Variants in EYS observed in about 807,000 individuals in gnomAD.
EYS encodes the protein EGF-like photoreceptor maintenance factor.
EYS carries 250 observed loss-of-function variants against 282.1 expected under a neutral mutation model. That is an observed-to-expected ratio of 0.89 (90% confidence interval 0.80 to 0.98). The LOEUF (loss-of-function observed/expected upper bound fraction) is 0.98. EYS is among the 50% of genes least tolerant of loss of function. The probability of loss-of-function intolerance (pLI) is 0.00; values close to 1 mark genes in which losing one functional copy is unlikely to be tolerated. For synonymous variants in EYS, 1,355 were observed against 1,282.9 expected (o/e 1.06, Z -1.20); for missense variants, 4,016 against 3,709.0 (o/e 1.08, Z -2.15).
intron 2 of EYS, among the ~76,000 whole-genome samples, chr6:65,526,559 G>A (rs1233262037): frequency 4.6e-5 from 7 of 151,980 alleles, no homozygotes; most frequent in African/African-American, 1.7e-4. Flanking sequence ...TAATCCCTGC[G>A]CTTTGGGAGG....
Position 64,099,441 on chromosome 6 carries a change from C to A in EYS, c.6425-17439G>T, listed in dbSNP as rs113378865. ...GAACTTTAGAATTAGTTTGCCTTTG[C>A]CTAGCAAGGATGAAATTATACCTTC... On this transcript the variant is annotated intron_variant, in intron 31 of 42. Coordinates refer to ENST00000503581, the MANE Select transcript of EYS (RefSeq NM_001142800.2). Among the ~76,000 whole-genome samples the A allele has an allele frequency of 8.4e-3, 1,284 of 152,200 alleles. 7 individuals are homozygous for A. Among genetic ancestry groups the A allele is most frequent in the Non-Finnish European group, 0.013 (884 of 68,002 alleles).
chr6:64,124,856 GAGA>G (rs143344956), intron 31 of EYS, among the ~76,000 whole-genome samples: 5,232 of 152,216 alleles, frequency 0.034, 257 homozygotes, highest in African/African-American at 0.11. Flanking sequence ...GAGGAAATGA[GAGA>G]AGAAGATGTG....
At chr6:65,265,483 A>G (rs1450916720) in intron 12 of EYS, among the ~76,000 whole-genome samples, 11 of 151,936 alleles carry the variant, frequency 7.2e-5, no homozygotes, top group Non-Finnish European at 5.9e-5. Flanking sequence ...TGCTGACTGG[A>G]CCTGGAACAT....
Position 64,734,517 on chromosome 6 carries a change from C to A in EYS, c.3443+78861G>T, listed in dbSNP as rs548456165. Among the ~76,000 whole-genome samples the A allele has an allele frequency of 3.9e-5, 6 of 152,220 alleles. No homozygotes were observed. In the South Asian group the frequency reaches 6.2e-4, roughly 16 times the overall value. ...AAATCAGAATAAGTTAAATCAATCT[C>A]CTTATAAAAAATTTTGGGGTTTGTG... On this transcript the variant is annotated intron_variant, in intron 22 of 42. Transcript: ENST00000503581.
intron 29 of EYS, among the ~76,000 whole-genome samples, chr6:64,346,532 TCA>T (rs765637181): frequency 5.3e-5 from 8 of 150,600 alleles, no homozygotes; most frequent in Non-Finnish European, 1.2e-4. Context: ...AAGGGGAACA[TCA>T]CACACCAGGG....
chr6:64,430,246 C>T (rs944764264), intron 28 of EYS, among the ~76,000 whole-genome samples: 18 of 152,086 alleles, frequency 1.2e-4, no homozygotes, highest in African/African-American at 4.3e-4. Flanking sequence ...TTTGAATGCA[C>T]AATTTGCTGC....
intron 24 of EYS, among the ~76,000 whole-genome samples, chr6:64,607,079 T>A (rs1766959693): frequency 6.6e-6 from 1 of 151,878 alleles, no homozygotes; most frequent in Admixed American, 6.6e-5. Context: ...AAAAGAGAAG[T>A]ATAAAACCCT....
intron 12 of EYS, among the ~76,000 whole-genome samples, chr6:65,288,470 T>C (rs12201381): frequency 0.046 from 6,924 of 150,654 alleles, 217 homozygotes; most frequent in South Asian, 0.089. Flanking sequence ...TATGTGTTCA[T>C]AGATACAAGC....
At chr6:64,139,706 C>A (rs150094407) in intron 31 of EYS, among the ~76,000 whole-genome samples, 3,053 of 152,028 alleles carry the variant, frequency 0.02, 80 homozygotes, top group African/African-American at 0.061. Flanking sequence ...CACGGTGGCT[C>A]ACGTCTGTAA....
intron 12 of EYS, among the ~76,000 whole-genome samples, chr6:65,070,578 AT>A (rs1427488008): frequency 1.8e-4 from 27 of 151,728 alleles, no homozygotes; most frequent in Non-Finnish European, 2.5e-4. Flanking sequence ...AGGGATTTTA[AT>A]GCTGTTTTCT....
chr6:65,700,449 G>T (rs1026711292), intron 1 of EYS, among the ~76,000 whole-genome samples: 73 of 152,298 alleles, frequency 4.8e-4, no homozygotes, highest in Middle Eastern at 3.4e-3. Flanking sequence ...TGGGGATACT[G>T]TGGCTACATA....
At chr6:64,399,474 C>A (rs765054493) in intron 28 of EYS, among the ~76,000 whole-genome samples, 9 of 151,748 alleles carry the variant, frequency 5.9e-5, no homozygotes, top group Non-Finnish European at 1.3e-4. Context: ...TATAGAATCA[C>A]CACCACAATT....
At chr6:65,262,272 TA>T (rs1767641630) in intron 12 of EYS, among the ~76,000 whole-genome samples, 1 of 152,138 alleles carries the variant, frequency 6.6e-6, no homozygotes, top group Non-Finnish European at 1.5e-5. Context: ...TAATCATAAA[TA>T]TTTTTCTCAA....
In EYS at chr6:65,002,203, T is replaced by C. The variant is rs1486037359; in HGVS notation, c.2138-4500A>G. ...GATATTTTAAAATGACATGAATCTT[T>C]TTTAAGTATCATTCCTCACCAGACA... On this transcript the variant is annotated intron_variant, in intron 13 of 42. Coordinates refer to ENST00000503581, the MANE Select transcript of EYS (RefSeq NM_001142800.2). Among the ~76,000 whole-genome samples the C allele has an allele frequency of 1.4e-5, 2 of 147,592 alleles. 1 individual carries two copies. The highest frequency in any genetic ancestry group is 3.0e-5 in the Non-Finnish European group (2 of 66,012).
intron 12 of EYS, among the ~76,000 whole-genome samples, chr6:65,246,331 G>A (rs983152463): frequency 6.6e-6 from 1 of 152,028 alleles, no homozygotes; most frequent in African/African-American, 2.4e-5. Flanking sequence ...AATGTATAGG[G>A]ACAAGTACAC....
chr6:65,072,463 G>C (rs577135969), intron 12 of EYS, among the ~76,000 whole-genome samples: 2 of 151,778 alleles, frequency 1.3e-5, no homozygotes, highest in Non-Finnish European at 2.9e-5. Context: ...CTAATAGTTT[G>C]TGAAAATAAG....
At chr6:64,206,575 T>C (rs1040051526) in intron 31 of EYS, among the ~76,000 whole-genome samples, 19 of 152,212 alleles carry the variant, frequency 1.2e-4, no homozygotes, top group Admixed American at 6.5e-5. Context: ...TTTTATGATA[T>C]GTGAAAATCA....
intron 19 of EYS, among the ~76,000 whole-genome samples, chr6:64,845,645 G>GAA (rs2150038012): frequency 6.6e-6 from 1 of 151,884 alleles, no homozygotes; most frequent in Admixed American, 6.6e-5. Context: ...GGTAACTCAC[G>GAA]AAAATTCATT....
Position 65,130,041 on chromosome 6 carries a change from T to A in EYS, c.2024-72314A>T, listed in dbSNP as rs185490687. Among the ~76,000 whole-genome samples, 221 of 151,728 alleles carry A rather than the reference T, an allele frequency of 1.5e-3. 2 individuals carry two copies. Among genetic ancestry groups the A allele is most frequent in the Non-Finnish European group, 2.4e-3 (162 of 67,826 alleles). On this transcript the variant is annotated intron_variant, in intron 12 of 42. Transcript: ENST00000503581. ...TGTAGCTGGAGGCCATTATACTAAG[T>A]GAAGTAATGAAGAAACAGAAAACCA...
Sources: gnomAD v4.1 joint callset for allele counts (sites outside exome capture counted in the v4.1 genomes callset) on GRCh38, gnomAD v4.1.1 for gene constraint, MANE v1.5 for transcripts, NCBI Gene and HGNC (gene_info 2026-07-23, HGNC 2026-07-21) for gene names.